PITRM1: variants seen among roughly 807,000 people sequenced by gnomAD.
PITRM1 encodes the protein pitrilysin metallopeptidase 1, also known as presequence protease, mitochondrial.
In PITRM1, 100 loss-of-function variants were observed where a neutral mutation model predicts 129.9. That is an observed-to-expected ratio of 0.77 (90% CI 0.65 to 0.91). The LOEUF is 0.91. Among genes scored for constraint, PITRM1 ranks in the 40% least tolerant of loss-of-function variants. The pLI is 0.00. For missense variants in PITRM1, 1,471 were observed against 1,318.3 expected (o/e 1.12, Z -1.79); for synonymous variants, 591 against 508.8 (o/e 1.16, Z -2.17).
intron 7 of PITRM1, among the ~76,000 whole-genome samples, chr10:3,161,712 C>A (rs546177234): frequency 1.3e-5 from 2 of 152,032 alleles, no homozygotes; most frequent in Non-Finnish European, 2.9e-5. Context: ...AGAAGTTAGA[C>A]CAAAACGGGC....
Position 3,170,206 on chromosome 10 carries a change from T to A in PITRM1, c.57A>T (p.Gly19=), listed in dbSNP as rs1282158557. The A allele has an allele frequency of 1.7e-5, 27 of 1,612,598 alleles. No individual in the cohort carries two copies. Among genetic ancestry groups the A allele is most frequent in the Non-Finnish European group, 2.0e-5 (24 of 1,178,788 alleles). The change falls in exon 2 of 27, where the codon GGA becomes GGT. Residue 19 remains glycine (G), a splice_region_variant and synonymous_variant. Coordinates refer to ENST00000224949, the MANE Select transcript of PITRM1 (RefSeq NM_014889.4). ...ATCGCCACGCTCTGTGGTGTGCATG[T>A]CTAGATTAAAAGTCATCTAAGTTAG... ...GLCVLRRLSG[G]HAHHRAWRWN... is the part of the protein sequence containing the mutation.
At chr10:3,148,122 C>A in intron 17 of PITRM1, 49 bp downstream of exon 17, 1 of 1,613,774 alleles carries the variant, frequency 6.2e-7, no homozygotes, top group Non-Finnish European at 8.5e-7. Flanking sequence ...GTGACAGACA[C>A]TGGAGAAAAG....
chr10:3,162,338 A>C (rs1351510508), intron 7 of PITRM1, among the ~76,000 whole-genome samples: 5 of 152,212 alleles, frequency 3.3e-5, no homozygotes, highest in Non-Finnish European at 5.9e-5. Flanking sequence ...TCTTTGAAGA[A>C]GTCCAGCAAA....
In PITRM1 at chr10:3,169,874, T is replaced by C. The variant is rs543478921; in HGVS notation, c.159+230A>G. 3.9e-5 allele frequency among the ~76,000 whole-genome samples: 6 copies of C among 152,326 alleles called. No homozygotes were observed. In the South Asian group the frequency reaches 1.2e-3, roughly 32 times the overall value. ...AGACCCAGCTGGAAGTGTTACTCTC[T>C]AAAATCTCACAAGAACCAGGCTTTG... On this transcript the variant is annotated intron_variant, in intron 2 of 26. Coordinates refer to ENST00000224949, the MANE Select transcript of PITRM1 (RefSeq NM_014889.4).
chr10:3,139,894 T>A (rs1366294162), intron 24 of PITRM1, among the ~76,000 whole-genome samples: 1 of 152,134 alleles, frequency 6.6e-6, no homozygotes, highest in Non-Finnish European at 1.5e-5. Context: ...ATCAAGAATA[T>A]TGCTTTACAG....
At chr10:3,160,159 T>C (rs749140236) in intron 8 of PITRM1, 45 bp downstream of exon 8, 14 of 1,604,214 alleles carry the variant, frequency 8.7e-6, no homozygotes, top group Non-Finnish European at 1.2e-5. Flanking sequence ...AGTCCTCATG[T>C]CAACATATTT....
chr10:3,141,967 G>A (rs761676680), intron 23 of PITRM1, among the ~76,000 whole-genome samples: 3 of 152,164 alleles, frequency 2.0e-5, no homozygotes, highest in Non-Finnish European at 4.4e-5. Flanking sequence ...CGTTCCATCC[G>A]TCCACACATT....
intron 21 of PITRM1, chr10:3,144,853 GA>G (rs1564393439): frequency 6.5e-6 from 1 of 152,686 alleles, no homozygotes; most frequent in African/African-American, 2.4e-5. Context: ...AAGAAATTAA[GA>G]AAATATTAAA....
intron 14 of PITRM1, among the ~76,000 whole-genome samples, chr10:3,152,925 C>T (rs946734383): frequency 6.6e-6 from 1 of 152,390 alleles, no homozygotes; most frequent in Non-Finnish European, 1.5e-5. Context: ...ACATCACACA[C>T]TCCCTGATGG....
rs183421621 is a variant in PITRM1, at chr10:3,170,190, C to T, written c.73G>A (p.Ala25Thr). The T allele has an allele frequency of 7.3e-5, 117 of 1,613,600 alleles. No individual in the cohort carries two copies. The African/African-American group carries it at 1.3e-3, about 18-fold the overall frequency. The part of the protein sequence containing the change: ...RLSGGHAHHR[A>T]WRWNSNRACE... ...GCCCGGTTACTGTTCCATCGCCACG[C>T]TCTGTGGTGTGCATGTCTAGATTAA... is the stretch of plus-strand genomic sequence containing the variant. Residue 25 changes from alanine (A) to threonine (T), a missense_variant, in exon 2 of 27, where the codon GCG becomes ACG. Physicochemically the swap from Ala to Thr is moderately conservative, Grantham distance 58. Transcript: ENST00000224949.
At chr10:3,162,205 A>G (rs1175316544) in intron 7 of PITRM1, among the ~76,000 whole-genome samples, 1 of 151,822 alleles carries the variant, frequency 6.6e-6, no homozygotes, top group Non-Finnish European at 1.5e-5. Context: ...TGTCACCATT[A>G]AAAGTAGTTC....
At position 3,148,013 on chromosome 10, in the gene PITRM1, C is replaced by T. The variant is rs778500904; in HGVS notation, c.2043G>A (p.Met681Ile). 1.1e-5 allele frequency: 18 copies of T among 1,613,154 alleles called. No homozygotes were observed. The highest frequency in any genetic ancestry group is 1.3e-5 in the African/African-American group (1 of 74,906). The change falls in exon 18 of 27, where the codon ATG (methionine) becomes ATA (isoleucine). Residue 681 changes from methionine (M) to isoleucine (I), a missense_variant. Physicochemically the swap from Met to Ile is conservative, Grantham distance 10 (BLOSUM62 1). Transcript: ENST00000224949. ...LCLDRNLPDM[M>I]QLWSEIFNNP... ...TGTTAAATATTTCACTCCATAGCTG[C>T]ATCATGTCTGGCAGGTTTCGATCCA... is the stretch of plus-strand genomic sequence containing the variant.
At chr10:3,148,367 G>T in intron 16 of PITRM1, 76 bp from the exon 17 acceptor site, 1 of 1,498,046 alleles carries the variant, frequency 6.7e-7, no homozygotes, top group Non-Finnish European at 8.9e-7. Flanking sequence ...TGCATCTTGA[G>T]TTACAAGTTG....
rs1244760373 is a variant in PITRM1, at chr10:3,138,959, T to G, written c.2862A>C (p.Glu954Asp). The G allele has an allele frequency of 1.9e-6, 3 of 1,613,962 alleles. No homozygotes were observed. Among genetic ancestry groups the G allele is most frequent in the Admixed American group, 1.7e-5 (1 of 60,020 alleles). ...SGKFTQQDID[E>D]AKLSVFSTVD... ...CGGTTGAGAAGACAGAAAGTTTGGC[T>G]TCGTCGATGTCTTGCTGTGTGAATT... is the stretch of plus-strand genomic sequence containing the variant. Residue 954 changes from glutamate to aspartate, a missense_variant, in exon 25 of 27, where the codon GAA (glutamate) becomes GAC (aspartate). Coordinates refer to ENST00000224949, the MANE Select transcript of PITRM1 (RefSeq NM_014889.4).
At chr10:3,141,608 G>C (rs1452146637) in intron 23 of PITRM1, 4 of 463,920 alleles carry the variant, frequency 8.6e-6, no homozygotes, top group Non-Finnish European at 1.8e-5. Context: ...GCTGATTCTA[G>C]AACACATCCA....
In PITRM1 at chr10:3,147,210, T is replaced by G; in HGVS notation, c.2276A>C (p.Lys759Thr). Residue 759 changes from lysine (K) to threonine (T), a missense_variant, in exon 20 of 27, where the codon AAA becomes ACA. Physicochemically the swap from Lys to Thr is moderately conservative, Grantham distance 78. Coordinates refer to ENST00000224949, the MANE Select transcript of PITRM1 (RefSeq NM_014889.4). ...ACGCGGGAGCTTCCTCAGGATGGGT[T>G]TGATATCTGTCATTTCTGCAATCCT... is the stretch of plus-strand genomic sequence containing the variant. ...MKRIAEMTDI[K>T]PILRKLPRIK... 1 of 1,613,058 alleles carries G rather than the reference T, an allele frequency of 6.2e-7. No homozygotes were observed. Among genetic ancestry groups the G allele is most frequent in the African/African-American group, 1.3e-5 (1 of 75,058 alleles).
Position 3,140,758 on chromosome 10 carries a change from T to A in PITRM1, c.2700A>T (p.Arg900=), listed in dbSNP as rs1189324074. The stretch of plus-strand genomic sequence containing the variant: ...CTCCACCATAAGCACCGCCTTTTTC[T>A]CGAATTTCTGTATGCAAGAATTTGG... ...MTAKFLHTEI[R]EKGGAYGGGA... is the part of the protein sequence containing the mutation. The change falls in exon 24 of 27, where the codon CGA becomes CGT. Residue 900 remains arginine (R), a synonymous_variant. Coordinates refer to ENST00000224949, the MANE Select transcript of PITRM1 (RefSeq NM_014889.4). 6.3e-7 allele frequency: 1 copy of A among 1,595,866 alleles called. No homozygotes were observed. Among genetic ancestry groups the A allele is most frequent in the Non-Finnish European group, 8.5e-7 (1 of 1,170,166 alleles).
chr10:3,142,275 G>A (rs936932540), intron 23 of PITRM1, among the ~76,000 whole-genome samples: 18 of 152,108 alleles, frequency 1.2e-4, no homozygotes, highest in African/African-American at 3.6e-4. Context: ...GCAGCCCCAC[G>A]TTTCTTCCCG....
At chr10:3,168,521 T>C (rs901120156) in intron 2 of PITRM1, among the ~76,000 whole-genome samples, 2 of 147,878 alleles carry the variant, frequency 1.4e-5, no homozygotes, top group Admixed American at 6.6e-5. Flanking sequence ...TCATCTTGAA[T>C]TGTAGTTTCC....
Sources: allele counts gnomAD v4.1 joint callset (sites outside exome capture counted in the v4.1 genomes callset), GRCh38; gene constraint gnomAD v4.1.1; transcripts MANE v1.5; gene names NCBI Gene and HGNC (gene_info 2026-07-23, HGNC 2026-07-21).